Variants in UNC79 observed in about 807,000 individuals in gnomAD.
UNC79 encodes protein unc-79 homolog.
In UNC79, 37 loss-of-function variants were observed where a neutral mutation model predicts 283.1. The observed-to-expected ratio is 0.13, with a 90% CI of 0.10 to 0.17. The LOEUF (loss-of-function observed/expected upper bound fraction) is 0.17, where lower values mean the gene tolerates loss of function less well. UNC79 is among the 10% of genes least tolerant of loss of function. UNC79 has a pLI of 1.00. For missense variants in UNC79, 2,272 were observed against 3,211.1 expected, an observed-to-expected ratio of 0.71 and a Z score of 7.07; for synonymous variants, 1,107 against 1,200.2, an observed-to-expected ratio of 0.92 and a Z score of 1.61.
chr14:93,689,118 C>T (rs978200460), intron 44 of UNC79: 10 of 439,718 alleles, frequency 2.3e-5, no homozygotes, highest in Non-Finnish European at 4.0e-5. Flanking sequence ...CACTTTAATG[C>T]TTGATTTCAA....
At chr14:93,687,499 A>G (rs117442542) in intron 43 of UNC79, among the ~76,000 whole-genome samples, 4,614 of 152,304 alleles carry the variant, frequency 0.03, 92 homozygotes, top group Non-Finnish European at 0.045. Context: ...CTGGTGCTAG[A>G]TGATTCCTTT....
chr14:93,409,944 G>A (rs1452680477), intron 1 of UNC79, among the ~76,000 whole-genome samples: 1 of 152,160 alleles, frequency 6.6e-6, no homozygotes, highest in East Asian at 1.9e-4. Flanking sequence ...CCCCAATAAA[G>A]ACACCAATTT....
chr14:93,700,806 AT>A (rs1425811963), intron 47 of UNC79, among the ~76,000 whole-genome samples: 2 of 152,182 alleles, frequency 1.3e-5, no homozygotes, highest in African/African-American at 4.8e-5. Context: ...ATGATGTTCT[AT>A]GAGTTATAAG....
At chr14:93,455,912 T>TTGTGTG (rs10654684) in intron 1 of UNC79, among the ~76,000 whole-genome samples, 2,812 of 144,188 alleles carry the variant, frequency 0.02, 111 homozygotes, top group African/African-American at 0.061. Flanking sequence ...GTACAATGGA[T>TTGTGTG]TGTGTGTGTG....
intron 1 of UNC79, among the ~76,000 whole-genome samples, chr14:93,455,229 C>A (rs902808484): frequency 1.9e-4 from 29 of 152,134 alleles, no homozygotes; most frequent in African/African-American, 6.5e-4. Flanking sequence ...TGAGGTTTTG[C>A]TTTCAGTTAA....
chr14:93,350,623 G>A (rs1369906222), intron 1 of UNC79, among the ~76,000 whole-genome samples: 3 of 152,072 alleles, frequency 2.0e-5, no homozygotes, highest in Non-Finnish European at 2.9e-5. Flanking sequence ...TTAAAACAGG[G>A]GTTACTTAAG....
At chr14:93,656,708 T>C (rs1242959942) in intron 38 of UNC79, among the ~76,000 whole-genome samples, 1 of 152,120 alleles carries the variant, frequency 6.6e-6, no homozygotes, top group Non-Finnish European at 1.5e-5. Flanking sequence ...CGTAATGGCA[T>C]GTACCTTTTG....
chr14:93,698,990 A>C (rs939238526), intron 47 of UNC79, among the ~76,000 whole-genome samples: 1 of 152,234 alleles, frequency 6.6e-6, no homozygotes, highest in African/African-American at 2.4e-5. Context: ...TTACTAATAA[A>C]ACAGTCCAGC....
intron 14 of UNC79, among the ~76,000 whole-genome samples, chr14:93,550,414 C>T (rs2061814699): frequency 1.3e-5 from 2 of 149,962 alleles, no homozygotes; most frequent in Admixed American, 1.3e-4. Context: ...ACTTGGGAGG[C>T]TGAGGCAGGA....
rs939950386 is a variant in UNC79 at position 93,695,821 on chromosome 14, G to A, written c.7548+1409G>A. 6.3e-5 allele frequency among the ~76,000 whole-genome samples: 9 copies of A among 141,764 alleles called. No homozygotes were observed. In the South Asian group the frequency reaches 1.3e-3, roughly 21 times the overall value. 93.0% of individuals were successfully genotyped at this position (141,764 alleles called of 152,430 possible). On this transcript the variant is annotated intron_variant, in intron 47 of 48. Coordinates refer to ENST00000555664, the Ensembl canonical transcript of UNC79. ...GCAGGATAATCGCTTAACCCGGAAG[G>A]TGGAGGTTGCAGTGAGCCTAGATTT...
intron 24 of UNC79, among the ~76,000 whole-genome samples, chr14:93,597,985 C>G (rs1250200828): frequency 6.6e-6 from 1 of 152,032 alleles, no homozygotes; most frequent in Non-Finnish European, 1.5e-5. Context: ...GCTAAAAGAT[C>G]CCTTGTTGTT....
In UNC79 at chr14:93,621,843, A is replaced by G. The variant is rs765724433; in HGVS notation, c.4610A>G (p.Tyr1537Cys). 6.0e-5 allele frequency: 97 copies of G among 1,614,022 alleles called. No individual in the cohort carries two copies. Among genetic ancestry groups the G allele is most frequent in the Non-Finnish European group, 7.9e-5 (93 of 1,180,016 alleles). ...GAGAAGCCTCCGACCCAAGCTGCGT[A>G]TATCGCACAAAGACCAAACGACCCT... The change falls in exon 30 of 49, where the codon TAT becomes TGT. Residue 1537 changes from tyrosine (Y) to cysteine (C), a missense_variant. Coordinates refer to ENST00000555664, the Ensembl canonical transcript of UNC79. The surrounding 1 kb of genome is among the most constrained non-coding windows in gnomAD (Gnocchi z 4.8).
intron 13 of UNC79, 22 bp from the exon 14 acceptor site, chr14:93,542,444 G>A: frequency 6.2e-7 from 1 of 1,602,902 alleles, no homozygotes; most frequent in Admixed American, 1.7e-5. Flanking sequence ...GCCGAACAAG[G>A]TTCTAATCTA....
chr14:93,621,670 C>T lies in UNC79; in HGVS notation c.4437C>T (p.Ser1479=), dbSNP rs1220048871. Residue 1479 remains serine, a synonymous_variant, in exon 30 of 49, where the codon AGC becomes AGT. Coordinates refer to ENST00000555664, the Ensembl canonical transcript of UNC79. This position sits in a 1 kb window ranked among gnomAD's most constrained non-coding sequence, Gnocchi z 4.8. ...GAGAGACGGGTGCATTACAAGACAGCCTTCTCCACTGTGTGAGAGAAGAAA... is the reference window on the plus strand; with the variant it reads ...GAGAGACGGGTGCATTACAAGACAGTCTTCTCCACTGTGTGAGAGAAGAAA... 1 of 1,608,058 alleles carries T rather than the reference C, an allele frequency of 6.2e-7. No individual in the cohort carries two copies. Among genetic ancestry groups the T allele is most frequent in the South Asian group, 1.1e-5 (1 of 90,084 alleles).
At chr14:93,613,416 G>T (rs1407387959) in intron 27 of UNC79, among the ~76,000 whole-genome samples, 1 of 151,064 alleles carries the variant, frequency 6.6e-6, no homozygotes, top group Non-Finnish European at 1.5e-5. Context: ...ACTATATTTG[G>T]TTTCTTTTTT....
intron 5 of UNC79, among the ~76,000 whole-genome samples, chr14:93,488,498 G>GTTT (rs144114616): frequency 1.2e-3 from 177 of 150,486 alleles, no homozygotes; most frequent in East Asian, 2.5e-3. Context: ...GTGACACTGT[G>GTTT]GTTTTTTTTT....
intron 47 of UNC79, among the ~76,000 whole-genome samples, chr14:93,696,223 C>A (rs1289769213): frequency 1.3e-5 from 2 of 152,086 alleles, no homozygotes; most frequent in African/African-American, 4.8e-5. Context: ...TATTTGACAT[C>A]TAGGGGGTTT....
At chr14:93,643,618 G>A (rs530206876) in exon 34 of UNC79, 9 of 1,613,722 alleles carry the variant, frequency 5.6e-6, no homozygotes, top group South Asian at 5.5e-5. Flanking sequence ...GCTAGCCATC[G>A]TGGTCCTCTC....
rs1208942318 is a variant in UNC79 at position 93,503,943 on chromosome 14, C to T, written c.898+6657C>T. On this transcript the variant is annotated intron_variant, in intron 7 of 48. Coordinates refer to ENST00000555664, the Ensembl canonical transcript of UNC79. ...TTAGATGTATCTGGAATTAATTTTT[C>T]TATATGGTATGAGGTAACGGCCAAT... Among the ~76,000 whole-genome samples the T allele has an allele frequency of 2.0e-5, 3 of 151,730 alleles. No homozygotes were observed. In the East Asian group the frequency reaches 5.8e-4, roughly 29 times the overall value.
Sources: gnomAD v4.1 joint callset for allele counts (sites outside exome capture counted in the v4.1 genomes callset) on GRCh38, gnomAD v4.1.1 for gene constraint, Gnocchi (gnomAD v3.1) non-coding constraint, MANE v1.5 for transcripts, NCBI Gene and HGNC (gene_info 2026-07-23, HGNC 2026-07-21) for gene names.